Variants in IGSF8 observed in about 807,000 individuals in gnomAD.
IGSF8 encodes immunoglobulin superfamily member 8.
IGSF8 carries 46 observed loss-of-function variants against 55.5 expected under a neutral mutation model. The observed-to-expected ratio is 0.83, with a 90% confidence interval of 0.65 to 1.06. The LOEUF (loss-of-function observed/expected upper bound fraction) is 1.06. Among genes scored for constraint, IGSF8 ranks in the 50% least tolerant of loss-of-function variants. The pLI, the probability that IGSF8 is intolerant of heterozygous loss-of-function variation, is 0.00. For synonymous variants in IGSF8, 314 were observed against 356.1 expected (o/e 0.88, Z 1.33); for missense variants, 731 against 832.3 (o/e 0.88, Z 1.50).
intron 3 of IGSF8, 59 bp from the exon 4 acceptor site, chr1:160,093,390 G>T: frequency 6.7e-7 from 1 of 1,486,548 alleles, no homozygotes; most frequent in Non-Finnish European, 9.1e-7. Flanking sequence ...AGAGGCACCC[G>T]ATTCCCCAAC....
chr1:160,092,462 G>C lies in IGSF8; in HGVS notation c.1546C>G (p.Pro516Ala). 1 of 1,613,138 alleles carries C rather than the reference G, an allele frequency of 6.2e-7. No homozygotes were observed. Among genetic ancestry groups the C allele is most frequent in the Non-Finnish European group, 8.5e-7 (1 of 1,179,514 alleles). The change falls in exon 5 of 7, where the codon CCT becomes GCT. Residue 516 changes from proline (P) to alanine (A), a missense_variant. By Grantham distance (27) the Pro-to-Ala change is conservative. Transcript: ENST00000314485. ...AELGVRPGGG[P>A]VSVELVGPRS... Reference sequence around the variant, plus strand: ...GGCCCCACCAGCTCTACGCTGACAGGGCCTCCTCCAGGCCGGACTCCCAGC... The same window carrying C: ...GGCCCCACCAGCTCTACGCTGACAGCGCCTCCTCCAGGCCGGACTCCCAGC...
intron 1 of IGSF8, among the ~76,000 whole-genome samples, chr1:160,096,111 C>T (rs1158622456): frequency 6.6e-6 from 1 of 152,160 alleles, no homozygotes; most frequent in Non-Finnish European, 1.5e-5. Flanking sequence ...TTCAGAAAGG[C>T]CAAACCTCTC....
Position 160,094,900 on chromosome 1 carries a change from C to T in IGSF8, c.411G>A (p.Leu137=). The T allele has an allele frequency of 6.2e-7, 1 of 1,613,640 alleles. No homozygotes were observed. The highest frequency in any genetic ancestry group is 8.5e-7 in the Non-Finnish European group (1 of 1,179,744). The change falls in exon 2 of 7, where the codon CTG becomes CTA. Residue 137 remains leucine, a synonymous_variant. Transcript: ENST00000314485. The surrounding 1 kb of genome is among the most constrained non-coding windows in gnomAD (Gnocchi z 4.0). Reference sequence around the variant, plus strand: ...GCTCCACCTTGCCGCTGTAGCTGCCCAGGTAGCGGGTATCAGTGGAGGGGG... The same window carrying T: ...GCTCCACCTTGCCGCTGTAGCTGCCTAGGTAGCGGGTATCAGTGGAGGGGG... The part of the protein sequence containing the change: ...CHTPSTDTRY[L]GSYSGKVELR...
chr1:160,093,594 G>T, intron 3 of IGSF8, 116 bp downstream of exon 3: 3 of 899,288 alleles, frequency 3.3e-6, no homozygotes, highest in Non-Finnish European at 5.0e-6. Flanking sequence ...CTCACTCTGT[G>T]GAAGATGAGT....
chr1:160,091,626 T>G lies in IGSF8; in HGVS notation c.*16-18A>C. On this transcript the variant is annotated intron_variant, in intron 6 of 6. Transcript: ENST00000314485. ...TGCAAGACCTGAAAAGGGTGCCCGG[T>G]GTGGGCTAAGGACAGAGAGCCCTGA... The G allele has an allele frequency of 1.7e-6, 1 of 588,046 alleles. No individual in the cohort carries two copies. The highest frequency in any genetic ancestry group is 2.1e-5 in the South Asian group (1 of 48,618). The allele number at this position is 588,046 out of a possible 1,614,324, so 36.4% of individuals were successfully genotyped here. A position where few individuals can be genotyped will look rare whatever the true frequency, so the allele number is the denominator to read the frequency against.
rs1650371094 is a variant in IGSF8 at position 160,095,490 on chromosome 1, C to T, written c.65-244G>A. On this transcript the variant is annotated intron_variant, in intron 1 of 6. Coordinates refer to ENST00000314485, the MANE Select transcript of IGSF8 (RefSeq NM_052868.6). ...CCAGATGCATCCCATTTCTGGCGGA[C>T]TAGAAGCAGAGCACCTGAAGGCAGA... is the stretch of plus-strand genomic sequence containing the variant. Among the ~76,000 whole-genome samples, 4 of 152,338 alleles carry T rather than the reference C, an allele frequency of 2.6e-5. No homozygotes were observed. The South Asian group carries it at 8.3e-4, about 32-fold the overall frequency.
upstream of IGSF8, chr1:160,098,807 G>GGCCCC (rs1263371750): frequency 3.9e-5 from 7 of 181,288 alleles, no homozygotes; most frequent in South Asian, 2.2e-4. Context: ...ACCTGGCCCC[G>GGCCCC]GCCCCGCCCC....
chr1:160,096,817 C>T (rs1650466301), intron 1 of IGSF8, among the ~76,000 whole-genome samples: 1 of 152,182 alleles, frequency 6.6e-6, no homozygotes, highest in African/African-American at 2.4e-5. Flanking sequence ...TCAGGAGAGC[C>T]CTGCCCCAGG....
intron 4 of IGSF8, 74 bp downstream of exon 4, chr1:160,092,850 G>GAGA: frequency 6.6e-7 from 1 of 1,515,688 alleles, no homozygotes; most frequent in Non-Finnish European, 9.0e-7. Flanking sequence ...TGACGGAGAG[G>GAGA]GAGGGGTCAT....
chr1:160,092,815 C>T (rs1017298643), intron 4 of IGSF8, 109 bp downstream of exon 4: 24 of 1,486,670 alleles, frequency 1.6e-5, no homozygotes, highest in Middle Eastern at 1.8e-4. Context: ...AGAAGAGGAG[C>T]GTGAGGCTGT....
In IGSF8 at chr1:160,092,455, C is replaced by A. The variant is rs749261351; in HGVS notation, c.1553G>T (p.Ser518Ile). ...GCTTCGGGGCCCCACCAGCTCTACGCTGACAGGGCCTCCTCCAGGCCGGAC... is the reference window on the plus strand; with the variant it reads ...GCTTCGGGGCCCCACCAGCTCTACGATGACAGGGCCTCCTCCAGGCCGGAC... ...LGVRPGGGPV[S>I]VELVGPRSHR... The change falls in exon 5 of 7, where the codon AGC (serine) becomes ATC (isoleucine). Residue 518 changes from serine to isoleucine, a missense_variant. Transcript: ENST00000314485. 6.2e-7 allele frequency: 1 copy of A among 1,612,922 alleles called. No individual in the cohort carries two copies. Among genetic ancestry groups the A allele is most frequent in the East Asian group, 2.2e-5 (1 of 44,854 alleles).
In IGSF8 at chr1:160,093,736, A is replaced by G. The variant is rs781272087; in HGVS notation, c.878T>C (p.Leu293Pro). ...CAGCGTCTGCACATCCACGTGGGCC[A>G]GGACGGCCCTTTTCTCTGCAATCTG... ...WAQIAEKRAV[L>P]AHVDVQTLSS... The change falls in exon 3 of 7, where the codon CTG (leucine) becomes CCG (proline). Residue 293 changes from leucine to proline, a missense_variant. By Grantham distance (98) the Leu-to-Pro change is moderately conservative. Coordinates refer to ENST00000314485, the MANE Select transcript of IGSF8 (RefSeq NM_052868.6). 6.2e-7 allele frequency: 1 copy of G among 1,611,324 alleles called. No homozygotes were observed. Among genetic ancestry groups the G allele is most frequent in the South Asian group, 1.1e-5 (1 of 90,722 alleles).
rs780306498 is a variant in IGSF8 at position 160,092,399 on chromosome 1, C to G, written c.1609G>C (p.Glu537Gln). Reference sequence around the variant, plus strand: ...GCACAGTGGTACACGCCTTCATCCTCGGGCCCCAAGCTGTGTAGTCTCAGC... The same window carrying G: ...GCACAGTGGTACACGCCTTCATCCTGGGGCCCCAAGCTGTGTAGTCTCAGC... ...HRLRLHSLGPEDEGVYHCAPS... is the reference protein window; with the variant it reads ...HRLRLHSLGPQDEGVYHCAPS... The change falls in exon 5 of 7, where the codon GAG becomes CAG. Residue 537 changes from glutamate to glutamine, a missense_variant. Physicochemically the swap from Glu to Gln is conservative, Grantham distance 29. Coordinates refer to ENST00000314485, the MANE Select transcript of IGSF8 (RefSeq NM_052868.6). 1.9e-6 allele frequency: 3 copies of G among 1,610,056 alleles called. No individual in the cohort carries two copies. The Admixed American group carries it at 5.0e-5, about 27-fold the overall frequency.
chr1:160,091,773 A>G, intron 6 of IGSF8, 35 bp downstream of exon 6: 1 of 1,380,652 alleles, frequency 7.2e-7, no homozygotes. Context: ...TGGGAAGCCC[A>G]ATGAAAACAA....
intron 1 of IGSF8, 65 bp downstream of exon 1, chr1:160,098,344 G>A: frequency 6.5e-7 from 1 of 1,538,648 alleles, no homozygotes; most frequent in Non-Finnish European, 8.8e-7. Context: ...CGAAATGCTA[G>A]GGGGGTGCTG....
Position 160,094,796 on chromosome 1 carries a change from G to GAT in IGSF8, c.442+71_442+72dup. 6.7e-7 allele frequency: 1 copy of GAT among 1,500,102 alleles called. No individual in the cohort carries two copies. Among genetic ancestry groups the GAT allele is most frequent in the South Asian group, 1.3e-5 (1 of 77,988 alleles). 92.9% of individuals were successfully genotyped at this position (1,500,102 alleles called of 1,614,324 possible). A position where few individuals can be genotyped will look rare whatever the true frequency, so the allele number is the denominator to read the frequency against. On this transcript the variant is annotated intron_variant, in intron 2 of 6. Coordinates refer to ENST00000314485, the MANE Select transcript of IGSF8 (RefSeq NM_052868.6). This position sits in a 1 kb window ranked among gnomAD's most constrained non-coding sequence, Gnocchi z 4.0. Reference sequence around the variant, plus strand: ...GGCTACAAAACCTAAGGGGCAACTAGATAGGTCACTTGTGGCCTTGACTTT... The same window carrying GAT: ...GGCTACAAAACCTAAGGGGCAACTAGATATAGGTCACTTGTGGCCTTGACTTT...
In IGSF8 at chr1:160,094,190, G is replaced by C. The variant is rs1650256227; in HGVS notation, c.443-19C>G. ...GGAAGAACTGGAGAGAACAGCTGGAGTGAGGGAGGGCTGGGAGCTGGCAGC... is the reference window on the plus strand; with the variant it reads ...GGAAGAACTGGAGAGAACAGCTGGACTGAGGGAGGGCTGGGAGCTGGCAGC... On this transcript the variant is annotated intron_variant, in intron 2 of 6. Transcript: ENST00000314485. The surrounding 1 kb of genome is among the most constrained non-coding windows in gnomAD (Gnocchi z 4.0). 2.0e-6 allele frequency: 3 copies of C among 1,525,810 alleles called. No individual in the cohort carries two copies. Among genetic ancestry groups the C allele is most frequent in the Non-Finnish European group, 2.7e-6 (3 of 1,123,586 alleles). The allele number at this position is 1,525,810 out of a possible 1,614,324, so 94.5% of individuals were successfully genotyped here.
rs1429210163 is a variant in IGSF8, at chr1:160,093,879, C to T, written c.735G>A (p.Leu245=). ...AERLAAGELR[L]GKEGTDRYRM... is the part of the protein sequence containing the mutation. ...GGTACCGATCGGTCCCTTCCTTGCC[C>T]AGACGAAGCTCCCCTGCAGCCAATC... The change falls in exon 3 of 7, where the codon CTG becomes CTA. Residue 245 remains leucine, a synonymous_variant. Transcript: ENST00000314485. 1.9e-6 allele frequency: 3 copies of T among 1,614,242 alleles called. No homozygotes were observed. Among genetic ancestry groups the T allele is most frequent in the Non-Finnish European group, 2.5e-6 (3 of 1,180,040 alleles).
At position 160,094,636 on chromosome 1, in the gene IGSF8, C is replaced by T. The variant is rs1015619175; in HGVS notation, c.442+233G>A. Among the ~76,000 whole-genome samples, 1 of 152,018 alleles carries T rather than the reference C, an allele frequency of 6.6e-6. No homozygotes were observed. The highest frequency in any genetic ancestry group is 2.4e-5 in the African/African-American group (1 of 41,358). On this transcript the variant is annotated intron_variant, in intron 2 of 6. Coordinates refer to ENST00000314485, the MANE Select transcript of IGSF8 (RefSeq NM_052868.6). This position sits in a 1 kb window ranked among gnomAD's most constrained non-coding sequence, Gnocchi z 4.0. ...TGGACAACTTAAGGACATTTCTTCT[C>T]CCAGGAGGGGTCTTAATATGATAAG...
Sources: allele counts gnomAD v4.1 joint callset (sites outside exome capture counted in the v4.1 genomes callset), GRCh38; gene constraint gnomAD v4.1.1; non-coding constraint Gnocchi (gnomAD v3.1); transcripts MANE v1.5; gene names NCBI Gene and HGNC (gene_info 2026-07-23, HGNC 2026-07-21).